EP400: variants seen among roughly 807,000 people sequenced by gnomAD.
EP400 encodes the protein E1A binding protein p400.
EP400 carries 105 observed loss-of-function variants against 354.1 expected under a neutral mutation model. The ratio of observed to expected loss-of-function variants is 0.30; its 90% CI spans 0.25 to 0.35. The LOEUF (loss-of-function observed/expected upper bound fraction) is 0.35, where lower values mean the gene tolerates loss of function less well. Among genes scored for constraint, EP400 ranks in the 10% least tolerant of loss-of-function variants. EP400 has a pLI of 1.00. For synonymous variants in EP400, 1,646 were observed against 1,716.9 expected (o/e 0.96, Z 1.02); for missense variants, 3,280 against 4,121.0 (o/e 0.80, Z 5.59).
At chr12:132,053,699 C>G in intron 43 of EP400, 102 bp downstream of exon 43, 2 of 1,299,814 alleles carry the variant, frequency 1.5e-6, no homozygotes, top group Non-Finnish European at 2.0e-6. Context: ...GTTGCCAGTT[C>G]TAGCACATTT....
Position 131,998,627 on chromosome 12 carries a change from TTTG to T in EP400, c.2827+3674_2827+3676del, listed in dbSNP as rs561774099. Among the ~76,000 whole-genome samples the T allele has an allele frequency of 2.0e-4, 30 of 149,404 alleles. No individual in the cohort carries two copies. The East Asian group carries it at 5.2e-3, about 26-fold the overall frequency. On this transcript the variant is annotated intron_variant, in intron 12 of 52. Coordinates refer to ENST00000389561, the MANE Select transcript of EP400 (RefSeq NM_015409.5). ...TACTCAGCAACTTTTCTGAACTCTG[TTTG>T]TTAATTCTTTGTATACAGTCTTGTA...
chr12:132,016,451 C>T (rs1187865925), intron 19 of EP400, among the ~76,000 whole-genome samples: 1 of 152,168 alleles, frequency 6.6e-6, no homozygotes, highest in Admixed American at 6.5e-5. Flanking sequence ...TCACTGCAAC[C>T]TCTGCCTCCC....
At position 132,052,127 on chromosome 12, in the gene EP400, A is replaced by C. The variant is rs1362707591; in HGVS notation, c.7395-1019A>C. 1.3e-5 allele frequency among the ~76,000 whole-genome samples: 2 copies of C among 152,256 alleles called. No individual in the cohort carries two copies. Among genetic ancestry groups the C allele is most frequent in the Non-Finnish European group, 2.9e-5 (2 of 68,046 alleles). On this transcript the variant is annotated intron_variant, in intron 41 of 52. Coordinates refer to ENST00000389561, the MANE Select transcript of EP400 (RefSeq NM_015409.5). This position sits in a 1 kb window ranked among gnomAD's most constrained non-coding sequence, Gnocchi z 4.4. ...AATTGCTACCAACTAATGATTAATGATATTCATAGATAATCATATCTAAGA... is the reference window on the plus strand; with the variant it reads ...AATTGCTACCAACTAATGATTAATGCTATTCATAGATAATCATATCTAAGA...
intron 39 of EP400, among the ~76,000 whole-genome samples, chr12:132,046,978 G>A (rs1453847220): frequency 6.6e-6 from 1 of 152,212 alleles, no homozygotes; most frequent in Non-Finnish European, 1.5e-5. Flanking sequence ...GGAACAGGGT[G>A]GGACACATAT....
At chr12:132,030,253 T>G (rs1894444270) in intron 29 of EP400, 95 bp downstream of exon 29, 1 of 1,379,628 alleles carries the variant, frequency 7.2e-7, no homozygotes, top group Admixed American at 2.1e-5. Context: ...ATGGCCCTTC[T>G]AAGTGAAAGG....
intron 45 of EP400, among the ~76,000 whole-genome samples, chr12:132,060,187 T>C (rs992032722): frequency 2.6e-5 from 4 of 151,970 alleles, no homozygotes; most frequent in African/African-American, 4.8e-5. Flanking sequence ...GGGCTTAATA[T>C]CACACAATTG....
Position 132,064,893 on chromosome 12 carries a change from G to T in EP400, c.8553+7G>T. The T allele has an allele frequency of 6.3e-7, 1 of 1,595,490 alleles. No homozygotes were observed. On this transcript the variant is annotated splice_region_variant and intron_variant, in intron 48 of 52. Coordinates refer to ENST00000389561, the MANE Select transcript of EP400 (RefSeq NM_015409.5). ...CCTCCAGGTGGCCCGGCTCGTAAGT[G>T]TCAGTTTCTGTTTGTTTTCCAAAAG...
chr12:131,998,108 C>T (rs1336243700), intron 12 of EP400, among the ~76,000 whole-genome samples: 1 of 152,168 alleles, frequency 6.6e-6, no homozygotes, highest in African/African-American at 2.4e-5. Context: ...CTATGCATGG[C>T]TCTTTCTGGG....
chr12:132,006,973 T>C (rs1893603331), intron 15 of EP400, 96 bp downstream of exon 15: 3 of 1,369,934 alleles, frequency 2.2e-6, no homozygotes, highest in Non-Finnish European at 1.0e-6. Context: ...GGCTATCTTA[T>C]CTACTTCTTT....
rs1293165630 is a variant in EP400, at chr12:131,955,130, G to A, written c.-36+5094G>A. Among the ~76,000 whole-genome samples, 2 of 152,150 alleles carry A rather than the reference G, an allele frequency of 1.3e-5. 1 individual carries two copies. The highest frequency in any genetic ancestry group is 3.8e-4 in the East Asian group (2 of 5,202). On this transcript the variant is annotated intron_variant, in intron 1 of 52. Coordinates refer to ENST00000389561, the MANE Select transcript of EP400 (RefSeq NM_015409.5). ...CCATTGGTAGCTTTGCTATCCATTA[G>A]GATACCTGTACTATGTTTTTGAGAA...
At chr12:132,008,661 C>T (rs1195619694) in intron 15 of EP400, among the ~76,000 whole-genome samples, 1 of 151,384 alleles carries the variant, frequency 6.6e-6, no homozygotes, top group Non-Finnish European at 1.5e-5. Context: ...GCTCACTGCA[C>T]GTTCCGTCTC....
At position 132,039,717 on chromosome 12, in the gene EP400, A is replaced by G. The variant is rs569500916; in HGVS notation, c.6207+1621A>G. ...TGTGTTTTAAGGAGGTAATACATGC[A>G]TGAGGTTGAAAAAGAAAAACAACAC... On this transcript the variant is annotated intron_variant, in intron 32 of 52. Transcript: ENST00000389561. 1.2e-4 allele frequency among the ~76,000 whole-genome samples: 19 copies of G among 152,364 alleles called. No homozygotes were observed. In the South Asian group the frequency reaches 2.3e-3, roughly 18 times the overall value.
rs375973870 is a variant in EP400, at chr12:131,982,397, G to T, written c.1848G>T (p.Ser616=). The T allele has an allele frequency of 9.3e-6, 15 of 1,613,900 alleles. No individual in the cohort carries two copies. The highest frequency in any genetic ancestry group is 1.3e-5 in the Non-Finnish European group (15 of 1,180,008). The change falls in exon 5 of 53, where the codon TCG becomes TCT. Residue 616 remains serine, a synonymous_variant. Coordinates refer to ENST00000389561, the MANE Select transcript of EP400 (RefSeq NM_015409.5). ...GCAGCCAACTCCCCATCCCTCCCTCGCAGCCTGCACAGCTGGCCCTCCACG... is the reference window on the plus strand; with the variant it reads ...GCAGCCAACTCCCCATCCCTCCCTCTCAGCCTGCACAGCTGGCCCTCCACG... ...PPSSQLPIPP[S]QPAQLALHVP...
chr12:132,074,922 C>T (rs1394095205), intron 51 of EP400, among the ~76,000 whole-genome samples: 1 of 152,078 alleles, frequency 6.6e-6, no homozygotes, highest in Non-Finnish European at 1.5e-5. Flanking sequence ...GCTGCATCTG[C>T]GGGGACCCCT....
At chr12:132,037,550 G>A (rs978060570) in intron 30 of EP400, 132 bp from the exon 31 acceptor site, 34 of 708,112 alleles carry the variant, frequency 4.8e-5, no homozygotes, top group South Asian at 1.8e-4. Flanking sequence ...GGTGCCCCAC[G>A]AAGGCATGTT....
chr12:132,071,048 G>C (rs1405665092), intron 51 of EP400, among the ~76,000 whole-genome samples: 1 of 152,164 alleles, frequency 6.6e-6, no homozygotes, highest in African/African-American at 2.4e-5. Context: ...CTGCCTTACT[G>C]TGCTGGCTGG....
At position 132,078,003 on chromosome 12, in the gene EP400, G is replaced by T; in HGVS notation, c.*330G>T. ...TGAAAGCCATTTAGAATTTCTTTGT[G>T]AGCATGTAGTGCTTTGCACGCCACA... On this transcript the variant is annotated 3_prime_UTR_variant, in exon 53 of 53. Transcript: ENST00000389561. 1 of 298,730 alleles carries T rather than the reference G, an allele frequency of 3.3e-6. No individual in the cohort carries two copies. Among genetic ancestry groups the T allele is most frequent in the South Asian group, 5.3e-5 (1 of 18,770 alleles). The allele number at this position is 298,730 out of a possible 1,614,324, so 18.5% of individuals were successfully genotyped here.
chr12:132,053,080 G>A lies in EP400; in HGVS notation c.7395-66G>A, dbSNP rs878928683. 24 of 1,535,256 alleles carry A rather than the reference G, an allele frequency of 1.6e-5. No homozygotes were observed. The South Asian group carries it at 2.7e-4, about 17-fold the overall frequency. On this transcript the variant is annotated intron_variant, in intron 41 of 52. Coordinates refer to ENST00000389561, the MANE Select transcript of EP400 (RefSeq NM_015409.5). ...GCACCTGGCAGCATGGTGTTTCTAG[G>A]GTACGTGGTACTTGTCTGTCTTAAA...
At chr12:131,989,890 A>T (rs1004691802) in intron 7 of EP400, 74 bp from the exon 8 acceptor site, 1 of 1,565,808 alleles carries the variant, frequency 6.4e-7, no homozygotes, top group Non-Finnish European at 8.6e-7. Context: ...GAAGATTTAA[A>T]AAAAGTTACA....
Sources: allele counts gnomAD v4.1 joint callset (sites outside exome capture counted in the v4.1 genomes callset), GRCh38; gene constraint gnomAD v4.1.1; non-coding constraint Gnocchi (gnomAD v3.1); transcripts MANE v1.5; gene names NCBI Gene and HGNC (gene_info 2026-07-23, HGNC 2026-07-21).